The following PCCA variants were observed in gnomAD, a reference collection of about 807,000 sequenced individuals.
PCCA encodes the protein propionyl-CoA carboxylase alpha chain, mitochondrial.
A neutral mutation model predicts 101.3 loss-of-function variants in PCCA; 74 were observed. The observed-to-expected ratio is 0.73, with a 90% confidence interval of 0.61 to 0.89. The LOEUF (loss-of-function observed/expected upper bound fraction) is 0.89. Ranked by LOEUF, PCCA falls within the 40% of genes least tolerant of loss-of-function variation. The pLI, the probability that PCCA is intolerant of heterozygous loss-of-function variation, is 0.00. For synonymous variants in PCCA, 294 were observed against 313.6 expected (o/e 0.94, Z 0.66); for missense variants, 891 against 907.0 (o/e 0.98, Z 0.23).
At chr13:100,258,329 C>T (rs1452816475) in intron 9 of PCCA, among the ~76,000 whole-genome samples, 1 of 152,090 alleles carries the variant, frequency 6.6e-6, no homozygotes, top group Non-Finnish European at 1.5e-5. Context: ...AGAGCGTGGG[C>T]AAGATTCTTA....
At chr13:100,251,326 A>G (rs987075740) in intron 8 of PCCA, among the ~76,000 whole-genome samples, 1 of 152,244 alleles carries the variant, frequency 6.6e-6, no homozygotes, top group African/African-American at 2.4e-5. Context: ...AGAACAGGTT[A>G]CAGTCTGAAT....
chr13:100,319,439 G>T (rs1446760785), intron 16 of PCCA, among the ~76,000 whole-genome samples: 1 of 152,092 alleles, frequency 6.6e-6, no homozygotes, highest in African/African-American at 2.4e-5. Flanking sequence ...GTATTGCCTA[G>T]GTTTTCTTCT....
chr13:100,408,516 G>A (rs2077823085), intron 19 of PCCA, among the ~76,000 whole-genome samples: 1 of 152,050 alleles, frequency 6.6e-6, no homozygotes, highest in African/African-American at 2.4e-5. Context: ...TCTTTGTTTA[G>A]GCCAAATTAA....
intron 12 of PCCA, among the ~76,000 whole-genome samples, chr13:100,279,632 C>T (rs1346031200): frequency 2.6e-5 from 4 of 152,102 alleles, no homozygotes; most frequent in Non-Finnish European, 4.4e-5. Context: ...CATACCACCA[C>T]GCCTAGCTAA....
chr13:100,126,803 T>TA (rs1196969653), intron 4 of PCCA, among the ~76,000 whole-genome samples: 3 of 152,186 alleles, frequency 2.0e-5, no homozygotes, highest in African/African-American at 7.2e-5. Flanking sequence ...CATTTTTTTT[T>TA]ATTATTGTGA....
chr13:100,473,709 C>T (rs953208843), intron 21 of PCCA, among the ~76,000 whole-genome samples: 11 of 152,206 alleles, frequency 7.2e-5, no homozygotes, highest in Non-Finnish European at 1.2e-4. Flanking sequence ...CCCTAGCCTG[C>T]TCCGAGAGTG....
intron 19 of PCCA, among the ~76,000 whole-genome samples, chr13:100,404,200 G>A (rs2077537232): frequency 6.6e-6 from 1 of 152,154 alleles, no homozygotes; most frequent in Non-Finnish European, 1.5e-5. Context: ...CAGAGGACGG[G>A]TAAAGATAGC....
At chr13:100,433,638 AAAGTC>A (rs1485055748) in intron 20 of PCCA, among the ~76,000 whole-genome samples, 1 of 152,146 alleles carries the variant, frequency 6.6e-6, no homozygotes, top group Non-Finnish European at 1.5e-5. Context: ...GGTGTGTTTC[AAAGTC>A]TAGTTCATTG....
At chr13:100,174,263 A>G (rs898719830) in intron 6 of PCCA, among the ~76,000 whole-genome samples, 1 of 151,990 alleles carries the variant, frequency 6.6e-6, no homozygotes, top group Non-Finnish European at 1.5e-5. Flanking sequence ...GGTTATTTTG[A>G]TTGAAATTCT....
At chr13:100,506,308 C>A (rs1200835275) in intron 21 of PCCA, among the ~76,000 whole-genome samples, 2 of 151,656 alleles carry the variant, frequency 1.3e-5, no homozygotes, top group African/African-American at 2.4e-5. Context: ...GAACTGTAAA[C>A]CCCAAGATTC....
intron 20 of PCCA, among the ~76,000 whole-genome samples, chr13:100,430,523 C>T (rs1376497788): frequency 6.6e-6 from 1 of 152,180 alleles, no homozygotes; most frequent in African/African-American, 2.4e-5. Context: ...CTTCTCCCCA[C>T]CAGCATGATG....
At chr13:100,500,545 G>A (rs931551110) in intron 21 of PCCA, among the ~76,000 whole-genome samples, 1 of 152,118 alleles carries the variant, frequency 6.6e-6, no homozygotes, top group African/African-American at 2.4e-5. Flanking sequence ...AGTTAAGGCT[G>A]GTTTCAGCTC....
At chr13:100,526,254 T>C (rs1195005451) in intron 22 of PCCA, among the ~76,000 whole-genome samples, 1 of 152,158 alleles carries the variant, frequency 6.6e-6, no homozygotes, top group Non-Finnish European at 1.5e-5. Context: ...CAAACAGCCC[T>C]CGAGGCTGAT....
chr13:100,093,332 G>T (rs181580285), intron 1 of PCCA, among the ~76,000 whole-genome samples: 1 of 152,122 alleles, frequency 6.6e-6, no homozygotes, highest in African/African-American at 2.4e-5. Context: ...TAAATGCTTC[G>T]TTTTATAACC....
At chr13:100,395,495 G>A (rs939840347) in intron 19 of PCCA, among the ~76,000 whole-genome samples, 3 of 152,138 alleles carry the variant, frequency 2.0e-5, no homozygotes, top group Admixed American at 1.3e-4. Flanking sequence ...AAGTTTTCAC[G>A]GAAAGGGCCA....
chr13:100,266,729 A>G (rs2062961868), intron 10 of PCCA, among the ~76,000 whole-genome samples: 1 of 152,098 alleles, frequency 6.6e-6, no homozygotes, highest in South Asian at 2.1e-4. Flanking sequence ...TGTGAATGGC[A>G]CCTCTCTTTG....
At chr13:100,163,451 TG>T (rs1195400552) in intron 6 of PCCA, among the ~76,000 whole-genome samples, 1 of 152,244 alleles carries the variant, frequency 6.6e-6, no homozygotes, top group Non-Finnish European at 1.5e-5. Context: ...TGTGATTTTA[TG>T]TTGAAAATAC....
intron 6 of PCCA, among the ~76,000 whole-genome samples, chr13:100,194,070 CA>C (rs879368897): frequency 2.6e-3 from 318 of 121,414 alleles, no homozygotes; most frequent in African/African-American, 3.4e-3. Context: ...GCCTCCGTCT[CA>C]AAAAAAAAAA....
intron 19 of PCCA, among the ~76,000 whole-genome samples, chr13:100,384,623 A>G (rs1001825488): frequency 6.6e-6 from 1 of 152,168 alleles, no homozygotes; most frequent in Non-Finnish European, 1.5e-5. Context: ...TTAATTTTGG[A>G]ACATCTTTTG....
Sources: allele counts gnomAD v4.1 joint callset (sites outside exome capture counted in the v4.1 genomes callset), GRCh38; gene constraint gnomAD v4.1.1; transcripts MANE v1.5; gene names NCBI Gene and HGNC (gene_info 2026-07-23, HGNC 2026-07-21).